Variants in TMC1 observed in about 807,000 individuals in gnomAD.
The protein encoded by TMC1 is transmembrane channel like 1.
Under a neutral mutation model 105.8 loss-of-function variants are expected in TMC1, and 84 were observed. The ratio of observed to expected loss-of-function variants is 0.79; its 90% CI spans 0.67 to 0.95. TMC1 has a LOEUF of 0.95. Among genes scored for constraint, TMC1 ranks in the 40% least tolerant of loss-of-function variants. The pLI is 0.00. For synonymous variants in TMC1, 315 were observed against 311.5 expected (o/e 1.01, Z -0.12); for missense variants, 817 against 914.1 (o/e 0.89, Z 1.37).
intron 4 of TMC1, among the ~76,000 whole-genome samples, chr9:72,638,197 T>C (rs1487163357): frequency 6.6e-6 from 1 of 152,154 alleles, no homozygotes; most frequent in Non-Finnish European, 1.5e-5. Context: ...AATCCTTCTC[T>C]ACCTATTATT....
chr9:72,606,664 A>G lies in TMC1; in HGVS notation c.-305-9704A>G, dbSNP rs1824918646. On this transcript the variant is annotated intron_variant, in intron 2 of 23. Coordinates refer to ENST00000297784, the MANE Select transcript of TMC1 (RefSeq NM_138691.3). The stretch of plus-strand genomic sequence containing the variant: ...TTGGATTGAGTTATATTTACTATAA[A>G]AATACTTACTTTTTTTGTCAAACAC... Among the ~76,000 whole-genome samples the G allele has an allele frequency of 1.3e-5, 2 of 152,178 alleles. 1 individual carries two copies. The highest frequency in any genetic ancestry group is 4.1e-4 in the South Asian group (2 of 4,826).
At chr9:72,542,109 A>T (rs980149789) in intron 1 of TMC1, among the ~76,000 whole-genome samples, 7 of 152,140 alleles carry the variant, frequency 4.6e-5, no homozygotes, top group African/African-American at 1.7e-4. Flanking sequence ...GGATCACTTG[A>T]GGCCAGAAGT....
chr9:72,767,592 AAC>A (rs1185181701), intron 12 of TMC1, among the ~76,000 whole-genome samples: 7 of 152,234 alleles, frequency 4.6e-5, no homozygotes, highest in Admixed American at 2.6e-4. Context: ...CCATAATAAA[AAC>A]AGTCTTTCTT....
At chr9:72,632,840 T>C (rs113445057) in intron 4 of TMC1, among the ~76,000 whole-genome samples, 6 of 152,300 alleles carry the variant, frequency 3.9e-5, no homozygotes, top group Middle Eastern at 3.4e-3. Context: ...ACTCTAACTT[T>C]TCTTATGTAA....
intron 11 of TMC1, 79 bp from the exon 12 acceptor site, chr9:72,754,707 A>G: frequency 8.3e-7 from 1 of 1,198,038 alleles, no homozygotes; most frequent in Admixed American, 1.8e-5. Context: ...AGGGCTTTTA[A>G]ACAAAACCAT....
rs116772666 is a variant in TMC1 at position 72,754,292 on chromosome 9, G to A, written c.643-494G>A. Among the ~76,000 whole-genome samples the A allele has an allele frequency of 5.5e-3, 836 of 152,248 alleles. 6 individuals are homozygous for A. Among genetic ancestry groups the A allele is most frequent in the African/African-American group, 0.019 (801 of 41,520 alleles). ...TGATGAAGCAGACACCATAATCAGG[G>A]TGCAAGTGTTCTCACGTTGCAGACA... On this transcript the variant is annotated intron_variant, in intron 11 of 23. Transcript: ENST00000297784.
intron 6 of TMC1, among the ~76,000 whole-genome samples, chr9:72,693,648 G>A (rs889000866): frequency 3.7e-4 from 56 of 152,190 alleles, no homozygotes; most frequent in African/African-American, 1.3e-3. Context: ...AATGATAACT[G>A]TAATATTTAA....
chr9:72,544,503 A>C (rs7028194), intron 1 of TMC1, among the ~76,000 whole-genome samples: 71,540 of 139,428 alleles, frequency 0.51, 19,203 homozygotes, highest in African/African-American at 0.68. Flanking sequence ...TTTTGTGAGA[A>C]AGTCTTGCTC....
chr9:72,781,221 G>A (rs952427958), intron 13 of TMC1, among the ~76,000 whole-genome samples: 3 of 152,182 alleles, frequency 2.0e-5, no homozygotes, highest in South Asian at 4.2e-4. Flanking sequence ...AATGACTTTT[G>A]GGTAAACAAT....
chr9:72,823,897 T>A (rs1436349145), intron 20 of TMC1, among the ~76,000 whole-genome samples: 1 of 152,242 alleles, frequency 6.6e-6, no homozygotes, highest in East Asian at 1.9e-4. Context: ...AAAAGAAACA[T>A]GGCCCATAAT....
intron 1 of TMC1, among the ~76,000 whole-genome samples, chr9:72,565,361 G>A (rs1436674081): frequency 6.6e-6 from 1 of 152,130 alleles, no homozygotes; most frequent in African/African-American, 2.4e-5. Flanking sequence ...TAATTATGAA[G>A]AGGTGTTTTA....
chr9:72,620,421 A>T (rs55642072), intron 3 of TMC1, among the ~76,000 whole-genome samples: 17,686 of 149,128 alleles, frequency 0.12, 1,405 homozygotes, highest in African/African-American at 0.22. Flanking sequence ...TAAAAAAAGA[A>T]TTTTTTTTTT....
Position 72,549,632 on chromosome 9 carries a change from A to G in TMC1, c.-428+27719A>G, listed in dbSNP as rs959582124. Among the ~76,000 whole-genome samples the G allele has an allele frequency of 2.2e-4, 31 of 138,198 alleles. 1 individual carries two copies. Among genetic ancestry groups the G allele is most frequent in the Non-Finnish European group, 4.3e-4 (28 of 64,618 alleles). The allele number at this position is 138,198 out of a possible 152,430, so 90.7% of individuals were successfully genotyped here. A position where few individuals can be genotyped will look rare whatever the true frequency, so the allele number is the denominator to read the frequency against. ...TATTTTTTTTTTTTTTTTTTTTGAG[A>G]CGAAGTCTCACTCTGTTGCCCGAGC... is the stretch of plus-strand genomic sequence containing the variant. On this transcript the variant is annotated intron_variant, in intron 1 of 23. Transcript: ENST00000297784.
At chr9:72,558,670 T>C (rs545970693) in intron 1 of TMC1, among the ~76,000 whole-genome samples, 1 of 152,362 alleles carries the variant, frequency 6.6e-6, no homozygotes, top group South Asian at 2.1e-4. Flanking sequence ...AAAATCGGGA[T>C]GATAATGGTT....
At chr9:72,661,012 C>T (rs983761665) in intron 5 of TMC1, among the ~76,000 whole-genome samples, 1 of 152,034 alleles carries the variant, frequency 6.6e-6, no homozygotes, top group African/African-American at 2.4e-5. Flanking sequence ...ATTAGCCATG[C>T]ATGGTGGCAC....
At chr9:72,656,159 C>A in intron 5 of TMC1, 1 of 606,446 alleles carries the variant, frequency 1.6e-6, no homozygotes, top group South Asian at 1.4e-5. Flanking sequence ...ATCTTCGGCT[C>A]CGTGGGTGTT....
intron 23 of TMC1, 91 bp from the exon 24 acceptor site, chr9:72,835,860 C>T: frequency 6.8e-7 from 1 of 1,465,572 alleles, no homozygotes; most frequent in Non-Finnish European, 9.2e-7. Context: ...CCATTAAGCA[C>T]ACTGAAAGCT....
chr9:72,553,208 G>A (rs1457282279), intron 1 of TMC1, among the ~76,000 whole-genome samples: 1 of 152,030 alleles, frequency 6.6e-6, no homozygotes, highest in Non-Finnish European at 1.5e-5. Context: ...CCCAACCTCA[G>A]GTGATCCACC....
At chr9:72,706,459 G>A (rs1826739526) in intron 8 of TMC1, among the ~76,000 whole-genome samples, 1 of 152,084 alleles carries the variant, frequency 6.6e-6, no homozygotes, top group Non-Finnish European at 1.5e-5. Context: ...TGGGGAACAG[G>A]TGGTATTTGG....
Sources: allele counts gnomAD v4.1 joint callset (sites outside exome capture counted in the v4.1 genomes callset), GRCh38; gene constraint gnomAD v4.1.1; transcripts MANE v1.5; gene names NCBI Gene and HGNC (gene_info 2026-07-23, HGNC 2026-07-21).